The following COL4A1 variants were observed in gnomAD, a reference collection of about 807,000 sequenced individuals.
The protein encoded by COL4A1 is collagen alpha-1(IV) chain.
In COL4A1, 40 loss-of-function variants were observed where a neutral mutation model predicts 216.6. The observed-to-expected ratio is 0.18, with a 90% confidence interval of 0.14 to 0.24. The LOEUF (loss-of-function observed/expected upper bound fraction) is 0.24. COL4A1 is among the 10% of genes least tolerant of loss of function. The pLI, the probability that COL4A1 is intolerant of heterozygous loss-of-function variation, is 1.00. For synonymous variants in COL4A1, 839 were observed against 810.7 expected, an observed-to-expected ratio of 1.03 and a Z score of -0.59; for missense variants, 1,628 against 2,196.8, an observed-to-expected ratio of 0.74 and a Z score of 5.18.
At chr13:110,164,756 A>G (rs1877256522) in intron 46 of COL4A1, 106 bp downstream of exon 46, 1 of 1,487,064 alleles carries the variant, frequency 6.7e-7, no homozygotes, top group South Asian at 1.3e-5. Context: ...ATGTGTGTGT[A>G]TAATCATTAC....
chr13:110,228,206 A>G (rs765784488), intron 2 of COL4A1, among the ~76,000 whole-genome samples: 16 of 133,132 alleles, frequency 1.2e-4, no homozygotes, highest in South Asian at 2.6e-4. Context: ...TATCAAGCAC[A>G]GGATGCCCCT....
intron 1 of COL4A1, among the ~76,000 whole-genome samples, chr13:110,301,393 A>C (rs1239461579): frequency 6.6e-6 from 1 of 152,258 alleles, no homozygotes; most frequent in Non-Finnish European, 1.5e-5. Flanking sequence ...GAACCAAGAC[A>C]CAAATGACAA....
intron 18 of COL4A1, among the ~76,000 whole-genome samples, chr13:110,202,244 A>AC (rs1426240944): frequency 1.6e-4 from 24 of 151,996 alleles, no homozygotes; most frequent in African/African-American, 4.8e-4. Flanking sequence ...CTCTTAAAAA[A>AC]AAAAAAAAAA....
intron 29 of COL4A1, 138 bp from the exon 30 acceptor site, chr13:110,179,559 C>T (rs778498311): frequency 1.4e-5 from 18 of 1,302,758 alleles, no homozygotes; most frequent in African/African-American, 2.9e-5. Context: ...CCTTTTCAAG[C>T]GTTTGCAAAG....
intron 1 of COL4A1, among the ~76,000 whole-genome samples, chr13:110,294,124 C>A (rs1470406918): frequency 6.6e-6 from 1 of 152,068 alleles, no homozygotes; most frequent in South Asian, 2.1e-4. Flanking sequence ...CTTGGTGCTG[C>A]CATACATTGT....
At chr13:110,220,856 C>T (rs2139218260) in intron 2 of COL4A1, among the ~76,000 whole-genome samples, 1 of 152,298 alleles carries the variant, frequency 6.6e-6, no homozygotes, top group Admixed American at 6.5e-5. Context: ...AGTGAAAATG[C>T]CTTCCTCCGT....
rs778466796 is a variant in COL4A1 at position 110,212,626 on chromosome 13, G to A, written c.280-8C>T. 2.5e-6 allele frequency: 4 copies of A among 1,613,790 alleles called. No homozygotes were observed. The highest frequency in any genetic ancestry group is 2.5e-6 in the Non-Finnish European group (3 of 1,180,034). Reference sequence around the variant, plus strand: ...AGATGCTCCCGGAGGTCCCTGTGAGGGCGGAAGTAAAAGCGTGTCAGTGAA... The same window carrying A: ...AGATGCTCCCGGAGGTCCCTGTGAGAGCGGAAGTAAAAGCGTGTCAGTGAA... On this transcript the variant is annotated splice_region_variant and splice_polypyrimidine_tract_variant and intron_variant, in intron 4 of 51. Transcript: ENST00000375820.
intron 21 of COL4A1, among the ~76,000 whole-genome samples, chr13:110,196,116 G>A (rs562755295): frequency 1.3e-5 from 2 of 152,362 alleles, no homozygotes; most frequent in South Asian, 2.1e-4. Context: ...TTAGAGCTCA[G>A]CAGAACAAGT....
At chr13:110,180,024 A>T (rs1308905871) in intron 29 of COL4A1, among the ~76,000 whole-genome samples, 1 of 152,138 alleles carries the variant, frequency 6.6e-6, no homozygotes, top group Non-Finnish European at 1.5e-5. Flanking sequence ...GCAGGTGGCC[A>T]TGAAATCACA....
At chr13:110,199,981 G>A (rs1265557062) in intron 20 of COL4A1, among the ~76,000 whole-genome samples, 1 of 152,190 alleles carries the variant, frequency 6.6e-6, no homozygotes, top group East Asian at 1.9e-4. Flanking sequence ...GGGCTGTGTG[G>A]GGTGTCGTCT....
chr13:110,279,853 G>A lies in COL4A1; in HGVS notation c.84+27091C>T, dbSNP rs186101097. Among the ~76,000 whole-genome samples, 13 of 152,228 alleles carry A rather than the reference G, an allele frequency of 8.5e-5. 1 individual carries two copies. The highest frequency in any genetic ancestry group is 7.4e-5 in the Non-Finnish European group (5 of 68,006). On this transcript the variant is annotated intron_variant, in intron 1 of 51. Transcript: ENST00000375820. The stretch of plus-strand genomic sequence containing the variant: ...CTTCTGCAGTGCTGGCCTGTCTCCC[G>A]TGGGCCTGCATCGAGAGGGCTGGCT...
At chr13:110,254,031 T>G (rs1882400832) in intron 1 of COL4A1, among the ~76,000 whole-genome samples, 1 of 152,046 alleles carries the variant, frequency 6.6e-6, no homozygotes, top group South Asian at 2.1e-4. Context: ...AGCGCCAACA[T>G]GATACCACAC....
At position 110,268,428 on chromosome 13, in the gene COL4A1, G is replaced by A. The variant is rs1883123941; in HGVS notation, c.85-25694C>T. ...CATGGCCAGCTCTCTGCTCTCTTTA[G>A]AGAGAAGGCAACCATCCTCGCCAGT... On this transcript the variant is annotated intron_variant, in intron 1 of 51. Transcript: ENST00000375820. The surrounding 1 kb of genome is among the most constrained non-coding windows in gnomAD (Gnocchi z 4.1). Among the ~76,000 whole-genome samples the A allele has an allele frequency of 6.6e-6, 1 of 152,202 alleles. No individual in the cohort carries two copies. The highest frequency in any genetic ancestry group is 2.4e-5 in the African/African-American group (1 of 41,460).
chr13:110,210,872 A>C (rs34757830), intron 8 of COL4A1, among the ~76,000 whole-genome samples: 1 of 151,066 alleles, frequency 6.6e-6, no homozygotes, highest in Non-Finnish European at 1.5e-5. Context: ...CAAGACTACA[A>C]CTCCACCCCT....
rs112476123 is a variant in COL4A1, at chr13:110,266,936, A to G, written c.85-24202T>C. Among the ~76,000 whole-genome samples the G allele has an allele frequency of 4.0e-3, 613 of 152,342 alleles. 7 individuals carry two copies. The highest frequency in any genetic ancestry group is 0.014 in the African/African-American group (589 of 41,576). Reference sequence around the variant, plus strand: ...TAGAAATTTAATTTTTAATCGAAAAAATGTTTAATCAGGGTAATGAGATTT... The same window carrying G: ...TAGAAATTTAATTTTTAATCGAAAAGATGTTTAATCAGGGTAATGAGATTT... On this transcript the variant is annotated intron_variant, in intron 1 of 51. Transcript: ENST00000375820.
intron 45 of COL4A1, among the ~76,000 whole-genome samples, chr13:110,165,733 ATGAATACTGTGCTTAAACCATTCCCTTT>A (rs1877308944): frequency 6.6e-6 from 1 of 152,178 alleles, no homozygotes; most frequent in East Asian, 1.9e-4. Context: ...AGGAAGCAGG[ATGAATACTGTGCTTAAACCATTCCCTTT>A]TGAGATGATG....
rs952685135 is a variant in COL4A1, at chr13:110,160,169, G to A, written c.4640+1023C>T. Among the ~76,000 whole-genome samples, 11 of 148,802 alleles carry A rather than the reference G, an allele frequency of 7.4e-5. 1 individual carries two copies. The highest frequency in any genetic ancestry group is 2.5e-4 in the African/African-American group (10 of 39,668). On this transcript the variant is annotated intron_variant, in intron 49 of 51. Coordinates refer to ENST00000375820, the MANE Select transcript of COL4A1 (RefSeq NM_001845.6). Reference sequence around the variant, plus strand: ...TAAAAAAATTCATAGGGGGCCGGGCGCGGTGGCTCACGCCTGTAATCCCAG... The same window carrying A: ...TAAAAAAATTCATAGGGGGCCGGGCACGGTGGCTCACGCCTGTAATCCCAG...
chr13:110,156,949 T>C (rs966869316), intron 49 of COL4A1, among the ~76,000 whole-genome samples: 1 of 152,144 alleles, frequency 6.6e-6, no homozygotes, highest in Non-Finnish European at 1.5e-5. Flanking sequence ...AATTAAAAGG[T>C]TCAGTTAAAC....
intron 15 of COL4A1, 140 bp downstream of exon 15, chr13:110,206,525 C>A: frequency 1.0e-6 from 1 of 966,554 alleles, no homozygotes; most frequent in East Asian, 2.4e-5. Context: ...AGGAGAGTCT[C>A]GGAAAAGCCC....
Sources: gnomAD v4.1 joint callset for allele counts (sites outside exome capture counted in the v4.1 genomes callset) on GRCh38, gnomAD v4.1.1 for gene constraint, Gnocchi (gnomAD v3.1) non-coding constraint, MANE v1.5 for transcripts, NCBI Gene and HGNC (gene_info 2026-07-23, HGNC 2026-07-21) for gene names.